FGF12: variants seen among roughly 807,000 people sequenced by gnomAD.
FGF12 encodes the protein fibroblast growth factor 12, also known as fibroblast growth factor 12B.
Under a neutral mutation model 23.6 loss-of-function variants are expected in FGF12, and 14 were observed. That is an observed-to-expected ratio of 0.59 (90% confidence interval 0.39 to 0.93). The LOEUF (loss-of-function observed/expected upper bound fraction) is 0.93. FGF12 is among the 40% of genes least tolerant of loss of function. FGF12 has a pLI of 0.00. For synonymous variants in FGF12, 62 were observed against 77.3 expected, an observed-to-expected ratio of 0.80 and a Z score of 1.04; for missense variants, 175 against 217.8, an observed-to-expected ratio of 0.80 and a Z score of 1.24.
At chr3:192,501,789 CA>C (rs1241764478) in intron 2 of FGF12, among the ~76,000 whole-genome samples, 1 of 152,238 alleles carries the variant, frequency 6.6e-6, no homozygotes, top group East Asian at 1.9e-4. Context: ...ACACTTTAGA[CA>C]TCATTAATAT....
chr3:192,312,656 GA>G (rs1047154143), intron 4 of FGF12, among the ~76,000 whole-genome samples: 1 of 150,802 alleles, frequency 6.6e-6, no homozygotes, highest in Non-Finnish European at 1.5e-5. Flanking sequence ...GAGAGCTAAT[GA>G]AAACTTAAAA....
chr3:192,498,048 A>G (rs1011896566), intron 2 of FGF12, among the ~76,000 whole-genome samples: 4 of 152,198 alleles, frequency 2.6e-5, no homozygotes, highest in African/African-American at 4.8e-5. Flanking sequence ...TCTTGGCCCC[A>G]TGACTCGGTG....
At chr3:192,477,530 T>C (rs1723361590) in intron 2 of FGF12, among the ~76,000 whole-genome samples, 1 of 152,234 alleles carries the variant, frequency 6.6e-6, no homozygotes, top group South Asian at 2.1e-4. Flanking sequence ...AGTATAAAGA[T>C]ACTTTATTCC....
At chr3:192,235,960 T>C (rs561357406) in intron 4 of FGF12, among the ~76,000 whole-genome samples, 22 of 152,324 alleles carry the variant, frequency 1.4e-4, no homozygotes, top group African/African-American at 4.3e-4. Flanking sequence ...AGGTTGTTAA[T>C]TTCAGATCTT....
At chr3:192,604,585 T>C (rs2174180) in intron 2 of FGF12, among the ~76,000 whole-genome samples, 23,148 of 152,176 alleles carry the variant, frequency 0.15, 1,793 homozygotes, top group Middle Eastern at 0.2. Context: ...AAGCATTCCA[T>C]GCTCACGGAC....
chr3:192,216,273 T>A (rs1232036015), intron 4 of FGF12, among the ~76,000 whole-genome samples: 1 of 152,262 alleles, frequency 6.6e-6, no homozygotes, highest in African/African-American at 2.4e-5. Flanking sequence ...CAGAATTTTA[T>A]GAATTGGACA....
chr3:192,626,388 G>T (rs1715169934), intron 2 of FGF12, among the ~76,000 whole-genome samples: 1 of 151,800 alleles, frequency 6.6e-6, no homozygotes, highest in African/African-American at 2.4e-5. Flanking sequence ...CTATATTTGG[G>T]CATAGTTAAA....
At chr3:192,473,098 A>G (rs1723218940) in intron 2 of FGF12, among the ~76,000 whole-genome samples, 1 of 152,328 alleles carries the variant, frequency 6.6e-6, no homozygotes, top group South Asian at 2.1e-4. Context: ...TTCAGAGCCT[A>G]TGAGTTTACT....
intron 2 of FGF12, among the ~76,000 whole-genome samples, chr3:192,445,408 T>G (rs968130123): frequency 6.6e-6 from 1 of 152,210 alleles, no homozygotes; most frequent in African/African-American, 2.4e-5. Flanking sequence ...AATTTAGGAA[T>G]AGAATTGCCA....
intron 5 of FGF12, among the ~76,000 whole-genome samples, chr3:192,157,496 T>C (rs756404207): frequency 5.3e-5 from 8 of 150,226 alleles, no homozygotes; most frequent in Non-Finnish European, 1.0e-4. Flanking sequence ...GGATTAGGTA[T>C]GGATTTTTTC....
intron 4 of FGF12, among the ~76,000 whole-genome samples, chr3:192,182,652 T>A (rs775534424): frequency 5.9e-5 from 9 of 152,174 alleles, no homozygotes; most frequent in Non-Finnish European, 1.3e-4. Context: ...ACACTGGACC[T>A]CAGTACAAGG....
intron 2 of FGF12, among the ~76,000 whole-genome samples, chr3:192,580,501 T>C (rs927778637): frequency 2.4e-4 from 37 of 152,184 alleles, no homozygotes; most frequent in African/African-American, 8.9e-4. Flanking sequence ...GATCCTAAGG[T>C]ATAGCTCCAC....
chr3:192,326,095 G>C (rs1294075708), intron 4 of FGF12, among the ~76,000 whole-genome samples: 1 of 152,038 alleles, frequency 6.6e-6, no homozygotes, highest in Non-Finnish European at 1.5e-5. Context: ...TCTGAACATT[G>C]GAATTACAGT....
intron 4 of FGF12, among the ~76,000 whole-genome samples, chr3:192,322,503 G>GACACACAAACACACACACACACACAC (rs1334269834): frequency 2.7e-5 from 4 of 149,196 alleles, no homozygotes; most frequent in African/African-American, 9.8e-5. Context: ...ACCACACGCA[G>GACACACAAACACACACACACACACAC]ACACACACAC....
chr3:192,449,138 A>C (rs541550055), intron 2 of FGF12, among the ~76,000 whole-genome samples: 1 of 152,318 alleles, frequency 6.6e-6, no homozygotes, highest in Admixed American at 6.5e-5. Context: ...TCTCAGTTCA[A>C]ATCCATCCTT....
At chr3:192,628,534 T>C (rs1028004578) in intron 2 of FGF12, among the ~76,000 whole-genome samples, 1 of 150,552 alleles carries the variant, frequency 6.6e-6, no homozygotes, top group East Asian at 1.9e-4. Context: ...TATATATATA[T>C]ACTATTTTTC....
intron 4 of FGF12, among the ~76,000 whole-genome samples, chr3:192,276,600 G>A (rs1713805388): frequency 6.6e-6 from 1 of 152,004 alleles, no homozygotes; most frequent in African/African-American, 2.4e-5. Context: ...TCCTTTTCCT[G>A]TCCTCCTGCC....
intron 3 of FGF12, among the ~76,000 whole-genome samples, chr3:192,344,079 G>A (rs772432572): frequency 1.5e-4 from 23 of 152,110 alleles, no homozygotes; most frequent in Non-Finnish European, 2.5e-4. Flanking sequence ...TCCCACATGC[G>A]TAGTGTTCCA....
intron 2 of FGF12, among the ~76,000 whole-genome samples, chr3:192,496,974 A>T (rs2108830089): frequency 6.6e-6 from 1 of 152,280 alleles, no homozygotes; most frequent in East Asian, 1.9e-4. Flanking sequence ...TTACATGACT[A>T]AATACAGTTC....
Sources: gnomAD v4.1 joint callset for allele counts (sites outside exome capture counted in the v4.1 genomes callset) on GRCh38, gnomAD v4.1.1 for gene constraint, MANE v1.5 for transcripts, NCBI Gene and HGNC (gene_info 2026-07-23, HGNC 2026-07-21) for gene names.